The following KLHL3 variants were observed in gnomAD, a reference collection of about 807,000 sequenced individuals.
KLHL3 encodes kelch like family member 3.
Under a neutral mutation model 70.5 loss-of-function variants are expected in KLHL3, and 19 were observed. That is an observed-to-expected ratio of 0.27 (90% CI 0.19 to 0.40). The LOEUF is 0.40. KLHL3 is among the 10% of genes least tolerant of loss of function. The pLI, the probability that KLHL3 is intolerant of heterozygous loss-of-function variation, is 1.00. For missense variants in KLHL3, 512 were observed against 771.1 expected (o/e 0.66, Z 3.98); for synonymous variants, 258 against 290.3 (o/e 0.89, Z 1.13).
chr5:137,683,612 G>T (rs1752087378), intron 5 of KLHL3, among the ~76,000 whole-genome samples: 1 of 152,086 alleles, frequency 6.6e-6, no homozygotes, highest in Non-Finnish European at 1.5e-5. Flanking sequence ...TCTCAGAAGG[G>T]TCATGACCAC....
At chr5:137,689,514 TC>T (rs1317194540) in intron 5 of KLHL3, among the ~76,000 whole-genome samples, 1 of 152,212 alleles carries the variant, frequency 6.6e-6, no homozygotes, top group Non-Finnish European at 1.5e-5. Flanking sequence ...CAAAATCATG[TC>T]CTTTGCAGTA....
At chr5:137,676,100 A>G (rs1458485924) in intron 6 of KLHL3, among the ~76,000 whole-genome samples, 1 of 152,184 alleles carries the variant, frequency 6.6e-6, no homozygotes, top group Middle Eastern at 3.2e-3. Context: ...GGCCTCCCTG[A>G]GCCTAAGGGA....
intron 6 of KLHL3, among the ~76,000 whole-genome samples, chr5:137,671,211 A>G (rs963242330): frequency 1.3e-5 from 2 of 152,018 alleles, no homozygotes; most frequent in Non-Finnish European, 1.5e-5. Flanking sequence ...CAAACTTCCA[A>G]GTCTTTAGTA....
At chr5:137,641,660 C>T (rs2149886521) in intron 8 of KLHL3, among the ~76,000 whole-genome samples, 1 of 152,338 alleles carries the variant, frequency 6.6e-6, no homozygotes, top group South Asian at 2.1e-4. Flanking sequence ...AACCAGAGCT[C>T]ACCACCATTA....
At chr5:137,640,051 T>C (rs973124587) in intron 8 of KLHL3, 74 bp from the exon 9 acceptor site, 12 of 1,235,422 alleles carry the variant, frequency 9.7e-6, no homozygotes, top group East Asian at 2.3e-5. Flanking sequence ...TACTTCCACA[T>C]GGCTTATCGC....
intron 6 of KLHL3, among the ~76,000 whole-genome samples, chr5:137,668,422 C>CA (rs926042408): frequency 9.9e-5 from 15 of 151,754 alleles, no homozygotes; most frequent in Admixed American, 3.3e-4. Context: ...AACAAACAAA[C>CA]AAAAAAAACC....
chr5:137,704,362 G>T (rs1033767784), intron 3 of KLHL3, among the ~76,000 whole-genome samples: 3 of 151,948 alleles, frequency 2.0e-5, no homozygotes, highest in African/African-American at 7.2e-5. Context: ...TCCGCAGTCC[G>T]GCCTGGGCGA....
chr5:137,637,420 CTT>C, intron 10 of KLHL3, 25 bp from the exon 11 acceptor site: 1 of 1,603,628 alleles, frequency 6.2e-7, no homozygotes. Context: ...ACTCATGAGA[CTT>C]CCGTGGCACC....
chr5:137,715,726 C>T (rs1244660348), intron 2 of KLHL3, among the ~76,000 whole-genome samples: 1 of 152,292 alleles, frequency 6.6e-6, no homozygotes, highest in Non-Finnish European at 1.5e-5. Context: ...ATATCTAAGG[C>T]ATAGTTATTA....
In KLHL3 at chr5:137,628,233, C is replaced by A. The variant is rs917072658; in HGVS notation, c.1591+64G>T. 7.0e-6 allele frequency: 11 copies of A among 1,582,260 alleles called. No homozygotes were observed. In the South Asian group the frequency reaches 1.3e-4, roughly 18 times the overall value. On this transcript the variant is annotated intron_variant, in intron 13 of 14. Transcript: ENST00000309755. ...TGGGAAATCTCCCTGCTGTTTAGAGCCAGTGTCTTCAGGGAGAAAAGGCAC... is the reference window on the plus strand; with the variant it reads ...TGGGAAATCTCCCTGCTGTTTAGAGACAGTGTCTTCAGGGAGAAAAGGCAC...
chr5:137,652,372 C>T (rs116801018), intron 8 of KLHL3, among the ~76,000 whole-genome samples: 2,286 of 152,250 alleles, frequency 0.015, 42 homozygotes, highest in Middle Eastern at 0.017. Flanking sequence ...CTTGTGTTCA[C>T]TGCAGCATTA....
At chr5:137,647,118 GA>G (rs1042853343) in intron 8 of KLHL3, among the ~76,000 whole-genome samples, 1 of 152,172 alleles carries the variant, frequency 6.6e-6, no homozygotes, top group African/African-American at 2.4e-5. Context: ...CTGTCATTTT[GA>G]AAAGTCAAAT....
rs140527291 is a variant in KLHL3, at chr5:137,698,712, T to A, written c.242-304A>T. Among the ~76,000 whole-genome samples, 56 of 152,308 alleles carry A rather than the reference T, an allele frequency of 3.7e-4. No homozygotes were observed. In the East Asian group the frequency reaches 0.01, roughly 28 times the overall value. ...AACCAACATTTACTGTAAACTTCCA[T>A]ATACAAGGCCAGAAAAAGTGAACAA... On this transcript the variant is annotated intron_variant, in intron 3 of 14. Coordinates refer to ENST00000309755, the MANE Select transcript of KLHL3 (RefSeq NM_017415.3).
At chr5:137,628,081 T>C in intron 13 of KLHL3, 1 of 572,976 alleles carries the variant, frequency 1.7e-6, no homozygotes, top group Non-Finnish European at 3.1e-6. Flanking sequence ...GGAAAGGGGA[T>C]CCTCTGCATC....
chr5:137,628,482 A>C (rs370855693), intron 12 of KLHL3, 45 bp from the exon 13 acceptor site: 43 of 1,609,972 alleles, frequency 2.7e-5, no homozygotes, highest in Middle Eastern at 1.7e-4. Context: ...TGACTACAGT[A>C]ACCAGAAATC....
chr5:137,723,635 G>A (rs1751016564), intron 1 of KLHL3, among the ~76,000 whole-genome samples: 1 of 152,090 alleles, frequency 6.6e-6, no homozygotes, highest in South Asian at 2.1e-4. Context: ...ACATAAATTA[G>A]GTGTCCTATG....
chr5:137,699,964 C>A (rs1269489178), intron 3 of KLHL3, among the ~76,000 whole-genome samples: 1 of 152,196 alleles, frequency 6.6e-6, no homozygotes, highest in Non-Finnish European at 1.5e-5. Flanking sequence ...AGCTGAATGA[C>A]TGGAACGGAG....
intron 8 of KLHL3, among the ~76,000 whole-genome samples, chr5:137,656,951 C>G (rs1032103074): frequency 6.6e-6 from 1 of 152,200 alleles, no homozygotes; most frequent in Non-Finnish European, 1.5e-5. Flanking sequence ...CTATCTCTAC[C>G]TTGTAGTGTT....
chr5:137,710,142 T>C (rs1752764965), intron 2 of KLHL3, among the ~76,000 whole-genome samples: 1 of 152,090 alleles, frequency 6.6e-6, no homozygotes, highest in African/African-American at 2.4e-5. Flanking sequence ...GTTCCCCAAT[T>C]CTATCAGTTC....
Sources: allele counts gnomAD v4.1 joint callset (sites outside exome capture counted in the v4.1 genomes callset), GRCh38; gene constraint gnomAD v4.1.1; transcripts MANE v1.5; gene names NCBI Gene and HGNC (gene_info 2026-07-23, HGNC 2026-07-21).